Variants in CCDC191 observed in about 807,000 individuals in gnomAD.
The protein encoded by CCDC191 is coiled-coil domain containing 191, also known as coiled-coil domain-containing protein 191.
Under a neutral mutation model 114.0 loss-of-function variants are expected in CCDC191, and 99 were observed. The observed-to-expected ratio is 0.87, with a 90% CI of 0.74 to 1.03. CCDC191 has a LOEUF of 1.03. Ranked by LOEUF, CCDC191 falls within the 50% of genes least tolerant of loss-of-function variation. CCDC191 has a pLI of 0.00. For synonymous variants in CCDC191, 351 were observed against 376.0 expected (o/e 0.93, Z 0.77); for missense variants, 973 against 1,087.0 (o/e 0.90, Z 1.47).
In CCDC191 at chr3:114,028,013, A is replaced by T. The variant is rs2076349193; in HGVS notation, c.972+3613T>A. On this transcript the variant is annotated intron_variant, in intron 7 of 16. Transcript: ENST00000295878. ...CTATCTATAACCAAGTCTATGTAAGAGCCCGAGGAGGCTGGTAGATGTATT... is the reference window on the plus strand; with the variant it reads ...CTATCTATAACCAAGTCTATGTAAGTGCCCGAGGAGGCTGGTAGATGTATT... 2.6e-5 allele frequency among the ~76,000 whole-genome samples: 4 copies of T among 152,188 alleles called. No homozygotes were observed. In the South Asian group the frequency reaches 8.3e-4, roughly 31 times the overall value.
chr3:114,040,493 C>T (rs974888930), intron 4 of CCDC191, among the ~76,000 whole-genome samples: 2 of 151,778 alleles, frequency 1.3e-5, no homozygotes, highest in African/African-American at 2.4e-5. Flanking sequence ...AGAAAATGCA[C>T]TTTTTGTTTC....
intron 2 of CCDC191, 64 bp from the exon 3 acceptor site, chr3:114,046,796 C>T: frequency 1.3e-6 from 2 of 1,502,126 alleles, no homozygotes; most frequent in Non-Finnish European, 8.9e-7. Context: ...TAGAGAATTT[C>T]TCTCCTACTC....
intron 3 of CCDC191, among the ~76,000 whole-genome samples, chr3:114,044,479 G>A (rs1490991187): frequency 6.6e-6 from 1 of 152,134 alleles, no homozygotes. Flanking sequence ...TCATTATGAT[G>A]ATCATTATTG....
At chr3:113,989,169 T>G (rs1045058704) in intron 13 of CCDC191, among the ~76,000 whole-genome samples, 1 of 152,146 alleles carries the variant, frequency 6.6e-6, no homozygotes, top group African/African-American at 2.4e-5. Flanking sequence ...CAGATAGATA[T>G]GAAAGGAGAA....
At chr3:114,025,084 G>C (rs2076300722) in intron 7 of CCDC191, among the ~76,000 whole-genome samples, 1 of 152,062 alleles carries the variant, frequency 6.6e-6, no homozygotes, top group African/African-American at 2.4e-5. Context: ...GCTAAGACCT[G>C]AACTTGCTGC....
At chr3:114,036,417 T>A (rs1003631592) in intron 5 of CCDC191, among the ~76,000 whole-genome samples, 191 bp downstream of exon 5, 2 of 152,172 alleles carry the variant, frequency 1.3e-5, no homozygotes, top group African/African-American at 2.4e-5. Context: ...TTAAATAAAT[T>A]GTTTCCTACC....
chr3:114,007,103 T>G (rs2075984589), intron 9 of CCDC191, among the ~76,000 whole-genome samples: 1 of 152,222 alleles, frequency 6.6e-6, no homozygotes, highest in Non-Finnish European at 1.5e-5. Flanking sequence ...TTTAATAGAC[T>G]GAGGTACCAT....
At chr3:114,004,837 C>A (rs944832488) in intron 10 of CCDC191, 91 bp from the exon 11 acceptor site, 11 of 1,311,266 alleles carry the variant, frequency 8.4e-6, no homozygotes, top group Admixed American at 7.0e-5. Flanking sequence ...TTTTACAGAC[C>A]TTAATGAATC....
At chr3:114,049,490 C>T (rs1050513212) in intron 2 of CCDC191, among the ~76,000 whole-genome samples, 2 of 152,184 alleles carry the variant, frequency 1.3e-5, no homozygotes, top group African/African-American at 4.8e-5. Flanking sequence ...GATTCGTAGA[C>T]TTGACTTAGT....
intron 3 of CCDC191, among the ~76,000 whole-genome samples, 164 bp downstream of exon 3, chr3:114,046,427 C>T (rs1206788024): frequency 6.6e-6 from 1 of 152,144 alleles, no homozygotes; most frequent in Non-Finnish European, 1.5e-5. Context: ...TATATCCTTA[C>T]TTGTAATATT....
chr3:113,988,799 G>A (rs2075458222), intron 13 of CCDC191, among the ~76,000 whole-genome samples: 2 of 151,826 alleles, frequency 1.3e-5, no homozygotes, highest in African/African-American at 2.4e-5. Context: ...ATATATGTAA[G>A]TCTTTTTTTT....
In CCDC191 at chr3:113,978,989, AAG is replaced by A. The variant is rs746358181; in HGVS notation, c.2327_2328del (p.Ser776PhefsTer15). The A allele has an allele frequency of 6.2e-7, 1 of 1,613,924 alleles. No homozygotes were observed. Among genetic ancestry groups the A allele is most frequent in the Non-Finnish European group, 8.5e-7 (1 of 1,179,902 alleles). ...QNIQVAEEHY[S>X]LFLQRKYMLT... ...AGCATGTATTTCCTCTGCAGGAACA[AAG>A]AGTAATGTTCTTCTGCCACCTGGAC... On this transcript the variant is annotated frameshift_variant, in exon 15 of 17. Transcript: ENST00000295878. LOFTEE classifies it high-confidence loss of function.
Position 113,965,109 on chromosome 3 carries a change from T to G in CCDC191, c.*46A>C, listed in dbSNP as rs369522532. The G allele has an allele frequency of 1.5e-4, 191 of 1,269,474 alleles. 1 individual carries two copies. The African/African-American group carries it at 2.7e-3, about 18-fold the overall frequency. The allele number at this position is 1,269,474 out of a possible 1,614,324, so 78.6% of individuals were successfully genotyped here. ...TGTGGGTGGGTGGAGATAACACACA[T>G]ACAGACTAGTCGAGCTTCCTGTCCT... On this transcript the variant is annotated 3_prime_UTR_variant, in exon 17 of 17. Coordinates refer to ENST00000295878, the MANE Select transcript of CCDC191 (RefSeq NM_020817.2).
chr3:114,030,899 G>A (rs1017529760), intron 7 of CCDC191, among the ~76,000 whole-genome samples: 2 of 152,114 alleles, frequency 1.3e-5, no homozygotes, highest in African/African-American at 2.4e-5. Flanking sequence ...TGGGGTGGGT[G>A]TTGTAGGATA....
chr3:113,995,743 A>C (rs1348487876), intron 13 of CCDC191, among the ~76,000 whole-genome samples: 1 of 152,190 alleles, frequency 6.6e-6, no homozygotes, highest in East Asian at 1.9e-4. Context: ...TCCCACCATC[A>C]GTGTAAAAGT....
intron 13 of CCDC191, among the ~76,000 whole-genome samples, chr3:113,987,160 A>T (rs1054779699): frequency 6.6e-6 from 1 of 150,994 alleles, no homozygotes; most frequent in African/African-American, 2.4e-5. Context: ...TCAACCCACA[A>T]TTCTATATCC....
intron 16 of CCDC191, among the ~76,000 whole-genome samples, chr3:113,970,144 T>A (rs1048775632): frequency 4.0e-4 from 61 of 152,304 alleles, no homozygotes; most frequent in African/African-American, 1.3e-3. Flanking sequence ...TTTTTCAGAT[T>A]GTTCACTGTT....
At chr3:114,050,724 G>A (rs917055480) in intron 2 of CCDC191, among the ~76,000 whole-genome samples, 2 of 152,172 alleles carry the variant, frequency 1.3e-5, no homozygotes, top group Non-Finnish European at 2.9e-5. Flanking sequence ...TGATATTATA[G>A]GTTGACTGCT....
intron 1 of CCDC191, among the ~76,000 whole-genome samples, chr3:114,054,490 A>G (rs1487119997): frequency 6.6e-6 from 1 of 152,132 alleles, no homozygotes; most frequent in Non-Finnish European, 1.5e-5. Context: ...ACAAAAAATT[A>G]ACCAGGCGTG....
Sources: allele counts gnomAD v4.1 joint callset (sites outside exome capture counted in the v4.1 genomes callset), GRCh38; gene constraint gnomAD v4.1.1; transcripts MANE v1.5; gene names NCBI Gene and HGNC (gene_info 2026-07-23, HGNC 2026-07-21).